MYO19: variants seen among roughly 807,000 people sequenced by gnomAD.
MYO19 encodes myosin XIX, also known as unconventional myosin-XIX.
In MYO19, 132 loss-of-function variants were observed where a neutral mutation model predicts 129.2. The ratio of observed to expected loss-of-function variants is 1.02; its 90% CI spans 0.89 to 1.18. The LOEUF (loss-of-function observed/expected upper bound fraction) is 1.18, where lower values mean the gene tolerates loss of function less well. Ranked by LOEUF, MYO19 falls within the 50% of genes most tolerant of loss-of-function variation. The probability of loss-of-function intolerance (pLI) is 0.00; values close to 1 mark genes in which losing one functional copy is unlikely to be tolerated. For missense variants in MYO19, 1,210 were observed against 1,216.7 expected, an observed-to-expected ratio of 0.99 and a Z score of 0.08; for synonymous variants, 531 against 477.2, an observed-to-expected ratio of 1.11 and a Z score of -1.47.
intron 6 of MYO19, among the ~76,000 whole-genome samples, chr17:36,516,372 T>G (rs561657874): frequency 1.3e-5 from 2 of 152,094 alleles, no homozygotes; most frequent in African/African-American, 4.8e-5. Flanking sequence ...ACCCAAGCAG[T>G]CTAACTTTTT....
rs377154711 is a variant in MYO19, at chr17:36,527,641, G to A, written c.210C>T (p.Cys70=). 6 of 1,613,842 alleles carry A rather than the reference G, an allele frequency of 3.7e-6. No individual in the cohort carries two copies. In the African/African-American group the frequency reaches 8.0e-5, roughly 22 times the overall value. The change falls in exon 5 of 26, where the codon TGC becomes TGT. Residue 70 remains cysteine (C), a synonymous_variant. Transcript: ENST00000614623. ...TGAAGGGGTTCAAGGCTACCAGGGTGCAGCCAGCATTGGTGTAGAATGTGT... is the reference window on the plus strand; with the variant it reads ...TGAAGGGGTTCAAGGCTACCAGGGTACAGCCAGCATTGGTGTAGAATGTGT... ...MADTFYTNAG[C]TLVALNPFKP... is the part of the protein sequence containing the mutation.
At chr17:36,511,551 A>C in intron 11 of MYO19, 96 bp from the exon 12 acceptor site, 1 of 1,095,988 alleles carries the variant, frequency 9.1e-7, no homozygotes, top group East Asian at 2.6e-5. Flanking sequence ...ACGACAGCAG[A>C]AGGGCAGCTC....
chr17:36,501,972 G>A (rs573650801), intron 21 of MYO19: 4 of 152,678 alleles, frequency 2.6e-5, no homozygotes, highest in Non-Finnish European at 5.9e-5. Flanking sequence ...CTATGGGCAA[G>A]AGACACGGAA....
chr17:36,520,013 T>A lies in MYO19; in HGVS notation c.415-4023A>T, dbSNP rs2073040806. ...CTTTAAGATACTTTTTTTCCTTTTTTTTGAGACAGAGTTTCACTCTGTCAT... is the reference window on the plus strand; with the variant it reads ...CTTTAAGATACTTTTTTTCCTTTTTATTGAGACAGAGTTTCACTCTGTCAT... On this transcript the variant is annotated intron_variant, in intron 6 of 25. Coordinates refer to ENST00000614623, the MANE Select transcript of MYO19 (RefSeq NM_001163735.2). Among the ~76,000 whole-genome samples the A allele has an allele frequency of 5.3e-5, 8 of 152,328 alleles. No individual in the cohort carries two copies. In the South Asian group the frequency reaches 1.7e-3, roughly 32 times the overall value.
At chr17:36,539,709 C>T (rs2074186670), upstream of MYO19, among the ~76,000 whole-genome samples, 1 of 152,180 alleles carries the variant, frequency 6.6e-6, no homozygotes, top group South Asian at 2.1e-4. Flanking sequence ...TTAGCCTACC[C>T]TATGCTAGGG....
chr17:36,500,104 C>T (rs781006134), intron 23 of MYO19: 1 of 152,096 alleles, frequency 6.6e-6, no homozygotes, highest in Non-Finnish European at 1.5e-5. Context: ...GTGATCCTCC[C>T]ACCTCAGCCT....
chr17:36,518,505 A>T (rs2072908404), intron 6 of MYO19, among the ~76,000 whole-genome samples: 1 of 58,810 alleles, frequency 1.7e-5, no homozygotes, highest in African/African-American at 7.1e-5. Flanking sequence ...AAAAAAAAAA[A>T]AAAAAAAAAA....
rs1249143465 is a variant in MYO19 at position 36,496,133 on chromosome 17, CTG to C, written c.*116_*117del. The C allele has an allele frequency of 3.6e-6, 5 of 1,383,242 alleles. No homozygotes were observed. In the East Asian group the frequency reaches 9.2e-5, roughly 25 times the overall value. 85.7% of individuals were successfully genotyped at this position (1,383,242 alleles called of 1,614,324 possible). Reference sequence around the variant, plus strand: ...TCTGGGTCGAAGGCTGGAGCCGTCACTGTTGTTCATGTGCATTTGGAGCACTG... The same window carrying C: ...TCTGGGTCGAAGGCTGGAGCCGTCACTTGTTCATGTGCATTTGGAGCACTG... On this transcript the variant is annotated 3_prime_UTR_variant, in exon 26 of 26. Coordinates refer to ENST00000614623, the MANE Select transcript of MYO19 (RefSeq NM_001163735.2).
chr17:36,506,125 A>C (rs2071865822), intron 18 of MYO19, among the ~76,000 whole-genome samples: 1 of 152,162 alleles, frequency 6.6e-6, no homozygotes, highest in Non-Finnish European at 1.5e-5. Flanking sequence ...GGGTAGGGTT[A>C]GAACAGGAAG....
chr17:36,512,196 AAC>A (rs57765074), intron 11 of MYO19, among the ~76,000 whole-genome samples: 6,646 of 138,106 alleles, frequency 0.048, 187 homozygotes, highest in East Asian at 0.13. Context: ...ACTAAAAATA[AAC>A]ACACACACAC....
At chr17:36,516,475 A>C (rs1471709479) in intron 6 of MYO19, among the ~76,000 whole-genome samples, 1 of 151,998 alleles carries the variant, frequency 6.6e-6, no homozygotes, top group African/African-American at 2.4e-5. Context: ...AGTTCAAGCG[A>C]TTCTCCTGCC....
rs375328938 is a variant in MYO19, at chr17:36,506,620, T to C, written c.1645-12A>G. On this transcript the variant is annotated splice_polypyrimidine_tract_variant and intron_variant, in intron 17 of 25. Coordinates refer to ENST00000614623, the MANE Select transcript of MYO19 (RefSeq NM_001163735.2). ...GGTGGGATAGGGTCCTATTGGGAAA[T>C]GGCAAGAGCAGCAGTGAGGGCAGGT... 136 of 1,517,962 alleles carry C rather than the reference T, an allele frequency of 9.0e-5. No individual in the cohort carries two copies. Among genetic ancestry groups the C allele is most frequent in the Non-Finnish European group, 1.2e-4 (131 of 1,136,692 alleles). 94.0% of individuals were successfully genotyped at this position (1,517,962 alleles called of 1,614,324 possible).
At chr17:36,527,456 G>A in intron 5 of MYO19, 95 bp downstream of exon 5, 3 of 1,386,568 alleles carry the variant, frequency 2.2e-6, no homozygotes, top group Non-Finnish European at 1.9e-6. Flanking sequence ...TGACCACATT[G>A]CTGGTGAATA....
chr17:36,532,794 C>G, intron 2 of MYO19, 113 bp from the exon 3 acceptor site: 1 of 584,278 alleles, frequency 1.7e-6, no homozygotes, highest in East Asian at 2.9e-5. Context: ...CAAGGCAGGC[C>G]TGGGCGGAGA....
chr17:36,508,788 G>C lies in MYO19; in HGVS notation c.1231+274C>G, dbSNP rs77980937. The C allele has an allele frequency of 8.4e-6, 4 of 477,422 alleles. 1 individual carries two copies. The South Asian group carries it at 9.2e-5, about 11-fold the overall frequency. 29.6% of individuals were successfully genotyped at this position (477,422 alleles called of 1,614,324 possible). ...AACCCCCACTACTCTCCCACAATTA[G>C]AGCTGGGTCTCTGGGGAGGTAAAGG... On this transcript the variant is annotated intron_variant, in intron 14 of 25. Transcript: ENST00000614623.
At chr17:36,544,160 G>T (rs2074220310), upstream of MYO19, among the ~76,000 whole-genome samples, 4 of 152,236 alleles carry the variant, frequency 2.6e-5, no homozygotes, top group South Asian at 6.2e-4. Context: ...TCGCCCAAGG[G>T]AGTACCTGCT....
chr17:36,503,889 T>G, intron 20 of MYO19, 61 bp downstream of exon 20: 1 of 1,360,624 alleles, frequency 7.3e-7, no homozygotes, highest in South Asian at 1.6e-5. Flanking sequence ...TCTTGCCCAA[T>G]GAGAGTCCTG....
At chr17:36,527,472 A>C (rs2073545800) in intron 5 of MYO19, 79 bp downstream of exon 5, 1 of 1,471,232 alleles carries the variant, frequency 6.8e-7, no homozygotes, top group African/African-American at 1.4e-5. Context: ...GAATAGATGA[A>C]TAAGGACAGG....
At chr17:36,506,704 G>T in intron 17 of MYO19, 96 bp from the exon 18 acceptor site, 1 of 1,395,132 alleles carries the variant, frequency 7.2e-7, no homozygotes, top group Non-Finnish European at 9.6e-7. Context: ...GGGGCTTCCA[G>T]GTAGGACAGG....
Sources: allele counts gnomAD v4.1 joint callset (sites outside exome capture counted in the v4.1 genomes callset), GRCh38; gene constraint gnomAD v4.1.1; transcripts MANE v1.5; gene names NCBI Gene and HGNC (gene_info 2026-07-23, HGNC 2026-07-21).